Variants in ERC1 observed in about 807,000 individuals in gnomAD.
The protein encoded by ERC1 is ELKS/RAB6-interacting/CAST family member 1, also known as RAB6 interacting protein 2.
In ERC1, 56 loss-of-function variants were observed where a neutral mutation model predicts 132.0. The ratio of observed to expected loss-of-function variants is 0.42; its 90% CI spans 0.34 to 0.53. ERC1 has a LOEUF of 0.53. ERC1 is among the 20% of genes least tolerant of loss of function. The probability of loss-of-function intolerance (pLI) is 0.03; values close to 1 mark genes in which losing one functional copy is unlikely to be tolerated. For synonymous variants in ERC1, 478 were observed against 476.1 expected (o/e 1.00, Z -0.05); for missense variants, 1,202 against 1,349.9 (o/e 0.89, Z 1.72).
At chr12:1,131,699 T>C (rs2154240588) in intron 7 of ERC1, among the ~76,000 whole-genome samples, 1 of 152,268 alleles carries the variant, frequency 6.6e-6, no homozygotes, top group East Asian at 1.9e-4. Flanking sequence ...TCTCCTGACC[T>C]TGTGATCCGC....
chr12:1,154,354 T>TACACACACACACACACACACAC (rs35510985), intron 8 of ERC1, among the ~76,000 whole-genome samples: 1 of 145,740 alleles, frequency 6.9e-6, no homozygotes, highest in African/African-American at 2.6e-5. Flanking sequence ...TGTGTGTTTA[T>TACACACACACACACACACACAC]ACACACACAC....
intron 7 of ERC1, among the ~76,000 whole-genome samples, chr12:1,133,152 C>A (rs1282690721): frequency 2.4e-5 from 1 of 41,612 alleles, no homozygotes; most frequent in East Asian, 9.9e-4. Flanking sequence ...GCCACCACAC[C>A]TGGCCGGTTT....
intron 18 of ERC1, among the ~76,000 whole-genome samples, chr12:1,488,060 C>A (rs1217402769): frequency 1.3e-5 from 2 of 151,002 alleles, no homozygotes; most frequent in Non-Finnish European, 2.9e-5. Flanking sequence ...ATGGCACGAA[C>A]CTGGGAGGCG....
chr12:1,424,644 C>T (rs2092549395), intron 17 of ERC1, among the ~76,000 whole-genome samples: 1 of 152,146 alleles, frequency 6.6e-6, no homozygotes, highest in Non-Finnish European at 1.5e-5. Context: ...CACTGTCATC[C>T]TCCCTTTTCC....
intron 2 of ERC1, among the ~76,000 whole-genome samples, chr12:1,051,795 A>G (rs895351429): frequency 1.3e-5 from 2 of 152,208 alleles, no homozygotes; most frequent in Non-Finnish European, 2.9e-5. Context: ...AGGTGAATTA[A>G]TAAAGCACTA....
intron 8 of ERC1, among the ~76,000 whole-genome samples, chr12:1,142,524 G>A (rs1459379093): frequency 6.6e-6 from 1 of 152,176 alleles, no homozygotes; most frequent in Non-Finnish European, 1.5e-5. Flanking sequence ...TGAGTGAAAG[G>A]ATGTGCATTT....
intron 12 of ERC1, among the ~76,000 whole-genome samples, chr12:1,195,186 C>CT (rs1242794306): frequency 6.6e-6 from 1 of 152,166 alleles, no homozygotes; most frequent in African/African-American, 2.4e-5. Context: ...AATCTATACA[C>CT]TTATGTGACT....
At chr12:1,425,491 C>G (rs2092606557) in intron 17 of ERC1, among the ~76,000 whole-genome samples, 1 of 152,244 alleles carries the variant, frequency 6.6e-6, no homozygotes, top group African/African-American at 2.4e-5. Flanking sequence ...TTGTCTGTAC[C>G]TGTGCAGCCT....
intron 6 of ERC1, among the ~76,000 whole-genome samples, chr12:1,113,773 A>T (rs1946143167): frequency 6.6e-6 from 1 of 152,202 alleles, no homozygotes; most frequent in South Asian, 2.1e-4. Flanking sequence ...AGCACATTTC[A>T]CGCTTTATTT....
At chr12:1,185,003 C>T (rs544233691) in intron 11 of ERC1, among the ~76,000 whole-genome samples, 18 of 152,252 alleles carry the variant, frequency 1.2e-4, no homozygotes, top group African/African-American at 3.6e-4. Flanking sequence ...CTCCGCCTCC[C>T]GGTCTCAGGT....
At chr12:1,154,188 G>A (rs1481375106) in intron 8 of ERC1, among the ~76,000 whole-genome samples, 3 of 141,992 alleles carry the variant, frequency 2.1e-5, no homozygotes, top group Non-Finnish European at 4.6e-5. Context: ...TTTCATGGCC[G>A]AGTAGTATTC....
At chr12:1,168,455 AC>A (rs1952674431) in intron 8 of ERC1, among the ~76,000 whole-genome samples, 1 of 151,126 alleles carries the variant, frequency 6.6e-6, no homozygotes, top group Non-Finnish European at 1.5e-5. Context: ...AGCTAAGCAA[AC>A]AACTTTAAAT....
intron 16 of ERC1, among the ~76,000 whole-genome samples, chr12:1,389,948 C>G (rs1328942749): frequency 1.3e-5 from 2 of 152,150 alleles, no homozygotes; most frequent in East Asian, 3.9e-4. Flanking sequence ...GTTAATCTCT[C>G]CATTTTAAGT....
chr12:1,371,005 G>A (rs2087162773), intron 15 of ERC1, among the ~76,000 whole-genome samples: 1 of 152,158 alleles, frequency 6.6e-6, no homozygotes, highest in Non-Finnish European at 1.5e-5. Context: ...GAGCCACCAC[G>A]CCTGGCCTGA....
At chr12:1,404,899 G>A (rs955904392) in intron 16 of ERC1, among the ~76,000 whole-genome samples, 1 of 152,130 alleles carries the variant, frequency 6.6e-6, no homozygotes, top group African/African-American at 2.4e-5. Flanking sequence ...AGCACTTTGG[G>A]AGGCTGAGGC....
At chr12:1,235,117 C>T (rs571862609) in intron 12 of ERC1, among the ~76,000 whole-genome samples, 1 of 152,256 alleles carries the variant, frequency 6.6e-6, no homozygotes, top group South Asian at 2.1e-4. Flanking sequence ...GCCTGTAATC[C>T]CAACACTGGG....
In ERC1 at chr12:1,486,493, C is replaced by T. The variant is rs375171253; in HGVS notation, c.3214-3600C>T. On this transcript the variant is annotated intron_variant, in intron 18 of 18. Coordinates refer to ENST00000360905, the MANE Select transcript of ERC1 (RefSeq NM_178040.4). ...AGGCTGGAGTACAGTGGCACGATCTCGGCTCACTGCAACCTCCGCCTCCCA... is the reference window on the plus strand; with the variant it reads ...AGGCTGGAGTACAGTGGCACGATCTTGGCTCACTGCAACCTCCGCCTCCCA... Among the ~76,000 whole-genome samples, 30 of 152,172 alleles carry T rather than the reference C, an allele frequency of 2.0e-4. No individual in the cohort carries two copies. In the East Asian group the frequency reaches 2.1e-3, roughly 11 times the overall value.
intron 14 of ERC1, among the ~76,000 whole-genome samples, chr12:1,276,066 A>C (rs990823810): frequency 6.6e-6 from 1 of 152,152 alleles, no homozygotes; most frequent in Admixed American, 6.5e-5. Flanking sequence ...TTTTCAGAAG[A>C]GTAAAGAAGG....
At chr12:1,007,571 C>T (rs995794222) in intron 1 of ERC1, among the ~76,000 whole-genome samples, 1 of 90,882 alleles carries the variant, frequency 1.1e-5, no homozygotes, top group African/African-American at 5.8e-5. Context: ...TGTGTGTGTA[C>T]ACACTTTGTG....
Sources: allele counts gnomAD v4.1 joint callset (sites outside exome capture counted in the v4.1 genomes callset), GRCh38; gene constraint gnomAD v4.1.1; transcripts MANE v1.5; gene names NCBI Gene and HGNC (gene_info 2026-07-23, HGNC 2026-07-21).